Variants in ARHGAP44 observed in about 807,000 individuals in gnomAD.
The protein encoded by ARHGAP44 is rho GTPase-activating protein 44.
A neutral mutation model predicts 106.8 loss-of-function variants in ARHGAP44; 43 were observed. The ratio of observed to expected loss-of-function variants is 0.40; its 90% CI spans 0.32 to 0.52. The LOEUF (loss-of-function observed/expected upper bound fraction) is 0.52, where lower values mean the gene tolerates loss of function less well. Ranked by LOEUF, ARHGAP44 falls within the 20% of genes least tolerant of loss-of-function variation. ARHGAP44 has a pLI of 0.48. For missense variants in ARHGAP44, 866 were observed against 1,050.5 expected (o/e 0.82, Z 2.43); for synonymous variants, 439 against 410.3 (o/e 1.07, Z -0.85).
intron 1 of ARHGAP44, among the ~76,000 whole-genome samples, chr17:12,881,674 T>C (rs2150899945): frequency 6.6e-6 from 1 of 152,258 alleles, no homozygotes. Context: ...CATACAAATT[T>C]TATTTATTTA....
intron 6 of ARHGAP44, 121 bp from the exon 7 acceptor site, chr17:12,928,808 T>C: frequency 1.2e-6 from 1 of 821,012 alleles, no homozygotes; most frequent in South Asian, 1.8e-5. Context: ...TGACCTCCCT[T>C]TTCCAGTGAG....
At chr17:12,931,363 C>T (rs969938651) in intron 7 of ARHGAP44, among the ~76,000 whole-genome samples, 7 of 152,146 alleles carry the variant, frequency 4.6e-5, no homozygotes, top group South Asian at 2.1e-4. Context: ...TGTGCTACCA[C>T]GCCCGGCCTA....
At chr17:12,973,404 G>A in intron 17 of ARHGAP44, 85 bp downstream of exon 17, 1 of 1,420,050 alleles carries the variant, frequency 7.0e-7, no homozygotes, top group African/African-American at 1.4e-5. Context: ...CCACCAGAGG[G>A]TGAATGCGCC....
rs1213936944 is a variant in ARHGAP44 at position 12,949,936 on chromosome 17, TA to T, written c.1055+209del. ...GAGATAGCAGAAGCCTAGAAGTCACTAAAGATTCATTGGAGAAGGGGGTTGG... is the reference window on the plus strand; with the variant it reads ...GAGATAGCAGAAGCCTAGAAGTCACTAAGATTCATTGGAGAAGGGGGTTGG... On this transcript the variant is annotated intron_variant, in intron 12 of 20. Coordinates refer to ENST00000379672, the MANE Select transcript of ARHGAP44 (RefSeq NM_014859.6). The surrounding 1 kb of genome is among the most constrained non-coding windows in gnomAD (Gnocchi z 4.1). Among the ~76,000 whole-genome samples the T allele has an allele frequency of 5.9e-5, 9 of 152,138 alleles. No individual in the cohort carries two copies. Among genetic ancestry groups the T allele is most frequent in the Non-Finnish European group, 7.3e-5 (5 of 68,032 alleles).
chr17:12,803,522 G>A (rs944782281), intron 1 of ARHGAP44, among the ~76,000 whole-genome samples: 1 of 151,990 alleles, frequency 6.6e-6, no homozygotes, highest in African/African-American at 2.4e-5. Flanking sequence ...TTAAGAGACA[G>A]TGTCTTACTC....
At chr17:12,887,867 T>G (rs1319460422) in intron 1 of ARHGAP44, among the ~76,000 whole-genome samples, 1 of 133,660 alleles carries the variant, frequency 7.5e-6, no homozygotes, top group East Asian at 2.2e-4. Context: ...ATCATTTTTG[T>G]TTTTTTTTTT....
At chr17:12,833,665 C>T (rs1218307016) in intron 1 of ARHGAP44, among the ~76,000 whole-genome samples, 1 of 151,940 alleles carries the variant, frequency 6.6e-6, no homozygotes, top group Admixed American at 6.6e-5. Flanking sequence ...AGAATGTGTC[C>T]CTAAGGTGAT....
rs749775862 is a variant in ARHGAP44 at position 12,914,799 on chromosome 17, GA to G, written c.276-1086del. On this transcript the variant is annotated intron_variant, in intron 4 of 20. Coordinates refer to ENST00000379672, the MANE Select transcript of ARHGAP44 (RefSeq NM_014859.6). ...CAACAAGAGTGAAACTCCATCTCAAGAAAAAAAAAAAAAAACCTCAAAAAAA... is the reference window on the plus strand; with the variant it reads ...CAACAAGAGTGAAACTCCATCTCAAGAAAAAAAAAAAAAACCTCAAAAAAA... 7.5e-3 allele frequency among the ~76,000 whole-genome samples: 920 copies of G among 123,266 alleles called. 12 individuals carry two copies. The highest frequency in any genetic ancestry group is 0.026 in the African/African-American group (867 of 33,016). The allele number at this position is 123,266 out of a possible 152,430, so 80.9% of individuals were successfully genotyped here.
chr17:12,917,175 C>G lies in ARHGAP44; in HGVS notation c.387+1164C>G, dbSNP rs188929653. The G allele has an allele frequency of 3.6e-3, 561 of 154,410 alleles. 2 individuals carry two copies. The highest frequency in any genetic ancestry group is 0.013 in the African/African-American group (538 of 41,616). The allele number at this position is 154,410 out of a possible 1,614,324, so 9.6% of individuals were successfully genotyped here. ...TCAGGGTTCTCCAGAGAGAGAGAACCAACAGGATATATGAGAGGGGTTTCT... is the reference window on the plus strand; with the variant it reads ...TCAGGGTTCTCCAGAGAGAGAGAACGAACAGGATATATGAGAGGGGTTTCT... On this transcript the variant is annotated intron_variant, in intron 5 of 20. Transcript: ENST00000379672.
intron 7 of ARHGAP44, among the ~76,000 whole-genome samples, chr17:12,935,763 T>C (rs1024614625): frequency 1.3e-5 from 2 of 152,112 alleles, no homozygotes; most frequent in East Asian, 1.9e-4. Flanking sequence ...GAGCCAATGA[T>C]GTAGAGAAAA....
intron 1 of ARHGAP44, among the ~76,000 whole-genome samples, chr17:12,886,871 A>G (rs1460858173): frequency 6.6e-6 from 1 of 151,764 alleles, no homozygotes; most frequent in African/African-American, 2.4e-5. Context: ...CCTGTTTTGG[A>G]GGAAAGCATG....
intron 1 of ARHGAP44, among the ~76,000 whole-genome samples, chr17:12,875,371 A>T (rs529533191): frequency 6.6e-6 from 1 of 152,134 alleles, no homozygotes; most frequent in East Asian, 1.9e-4. Flanking sequence ...AGGCAGGAGG[A>T]TTGCGTGAGC....
intron 18 of ARHGAP44, among the ~76,000 whole-genome samples, chr17:12,978,634 G>T (rs2039754332): frequency 6.6e-6 from 1 of 151,266 alleles, no homozygotes; most frequent in East Asian, 1.9e-4. Flanking sequence ...GGAGTTTCTA[G>T]ATCAGTTTAG....
intron 13 of ARHGAP44, among the ~76,000 whole-genome samples, chr17:12,954,805 A>G (rs2039087522): frequency 6.6e-6 from 1 of 151,990 alleles, no homozygotes; most frequent in African/African-American, 2.4e-5. Flanking sequence ...TCTTCATTGT[A>G]TTTGTTTTAT....
At chr17:12,834,371 T>C (rs1254767621) in intron 1 of ARHGAP44, among the ~76,000 whole-genome samples, 1 of 152,182 alleles carries the variant, frequency 6.6e-6, no homozygotes, top group African/African-American at 2.4e-5. Flanking sequence ...ATATATCTGT[T>C]ATGAATTTTT....
chr17:12,920,186 T>C (rs989039401), intron 6 of ARHGAP44, among the ~76,000 whole-genome samples: 2 of 151,942 alleles, frequency 1.3e-5, no homozygotes, highest in African/African-American at 2.4e-5. Context: ...CCATCCTGGC[T>C]AACATGGTGA....
intron 9 of ARHGAP44, 125 bp downstream of exon 9, chr17:12,943,794 CT>C: frequency 2.8e-6 from 3 of 1,086,518 alleles, no homozygotes; most frequent in Non-Finnish European, 4.1e-6. Context: ...GTAGATGAGC[CT>C]TTTGGACTTA....
At position 12,796,933 on chromosome 17, in the gene ARHGAP44, T is replaced by C. The variant is rs75726241; in HGVS notation, c.53+7042T>C. 4.8e-3 allele frequency among the ~76,000 whole-genome samples: 735 copies of C among 152,262 alleles called. 31 individuals carry two copies. In the East Asian group the frequency reaches 0.087, roughly 18 times the overall value. ...AGGCTGAACATTTTTAAAGTTCTCT[T>C]GACATTAGTTGCCTTTTCTAAATTG... On this transcript the variant is annotated intron_variant, in intron 1 of 20. Coordinates refer to ENST00000379672, the MANE Select transcript of ARHGAP44 (RefSeq NM_014859.6).
intron 1 of ARHGAP44, among the ~76,000 whole-genome samples, chr17:12,881,619 T>C (rs1184232912): frequency 6.6e-6 from 1 of 152,216 alleles, no homozygotes; most frequent in Non-Finnish European, 1.5e-5. Flanking sequence ...CCTCAACTTA[T>C]TCTACTTAAG....
Sources: gnomAD v4.1 joint callset for allele counts (sites outside exome capture counted in the v4.1 genomes callset) on GRCh38, gnomAD v4.1.1 for gene constraint, Gnocchi (gnomAD v3.1) non-coding constraint, MANE v1.5 for transcripts, NCBI Gene and HGNC (gene_info 2026-07-23, HGNC 2026-07-21) for gene names.